Variants in DTNA observed in about 807,000 individuals in gnomAD.
DTNA encodes dystrobrevin alpha.
DTNA carries 43 observed loss-of-function variants against 100.7 expected under a neutral mutation model. That is an observed-to-expected ratio of 0.43 (90% CI 0.33 to 0.55). The LOEUF (loss-of-function observed/expected upper bound fraction) is 0.55. Among genes scored for constraint, DTNA ranks in the 20% least tolerant of loss-of-function variants. DTNA has a pLI of 0.04. For synonymous variants in DTNA, 349 were observed against 347.9 expected, an observed-to-expected ratio of 1.00 and a Z score of -0.04; for missense variants, 798 against 953.9, an observed-to-expected ratio of 0.84 and a Z score of 2.15.
At chr18:34,694,772 AT>A (rs1180679253) in intron 1 of DTNA, among the ~76,000 whole-genome samples, 1 of 152,022 alleles carries the variant, frequency 6.6e-6, no homozygotes, top group African/African-American at 2.4e-5. Flanking sequence ...CTGAAGTTGA[AT>A]TTCTTCCCAG....
At chr18:34,726,346 C>A (rs988928857) in intron 1 of DTNA, among the ~76,000 whole-genome samples, 3 of 152,162 alleles carry the variant, frequency 2.0e-5, no homozygotes, top group Non-Finnish European at 4.4e-5. Context: ...TCTCACATTG[C>A]AAAATACAGT....
chr18:34,851,724 T>C (rs186149722), intron 14 of DTNA, 107 bp from the exon 15 acceptor site: 1 of 1,226,054 alleles, frequency 8.2e-7, no homozygotes, highest in Middle Eastern at 2.0e-4. Context: ...TTTGTTTTGA[T>C]AGAAATAATT....
chr18:34,703,117 C>T (rs538241120), intron 1 of DTNA, among the ~76,000 whole-genome samples: 2 of 152,202 alleles, frequency 1.3e-5, no homozygotes, highest in East Asian at 1.9e-4. Flanking sequence ...AAAGCTCAAC[C>T]GCAGGATTGA....
intron 17 of DTNA, among the ~76,000 whole-genome samples, 164 bp downstream of exon 17, chr18:34,864,226 G>A (rs2096665246): frequency 1.3e-5 from 2 of 151,494 alleles, no homozygotes; most frequent in Admixed American, 6.6e-5. Flanking sequence ...TGTAGCAGTA[G>A]CTGTCAGTAA....
intron 9 of DTNA, among the ~76,000 whole-genome samples, chr18:34,823,495 C>T (rs188302216): frequency 1.1e-4 from 16 of 152,240 alleles, no homozygotes; most frequent in Admixed American, 3.3e-4. Context: ...ATTTATTACT[C>T]CCAAATATGA....
rs191808933 is a variant in DTNA at position 34,740,314 on chromosome 18, G to A, written c.-1-15662G>A. ...TTGTCTGTGTGCCCAGAACCATCAG[G>A]AAATGGCTTGAGTACCCCCTGGGAA... is the stretch of plus-strand genomic sequence containing the variant. On this transcript the variant is annotated intron_variant, in intron 1 of 22. Transcript: ENST00000444659. Among the ~76,000 whole-genome samples the A allele has an allele frequency of 2.8e-3, 425 of 152,268 alleles. 1 individual carries two copies. Among genetic ancestry groups the A allele is most frequent in the Non-Finnish European group, 4.6e-3 (315 of 68,010 alleles).
chr18:34,874,867 AT>A (rs2096799551), intron 17 of DTNA, among the ~76,000 whole-genome samples: 1 of 152,230 alleles, frequency 6.6e-6, no homozygotes, highest in Admixed American at 6.5e-5. Flanking sequence ...TCTAGTTTGT[AT>A]TTTAAACTTT....
chr18:34,770,508 A>G (rs557799821), intron 3 of DTNA, among the ~76,000 whole-genome samples: 3 of 152,128 alleles, frequency 2.0e-5, no homozygotes, highest in Non-Finnish European at 4.4e-5. Flanking sequence ...ATGATTTTGC[A>G]TGTGGACAAC....
At chr18:34,622,204 G>A (rs1253726537) in intron 1 of DTNA, among the ~76,000 whole-genome samples, 7 of 152,110 alleles carry the variant, frequency 4.6e-5, no homozygotes, top group Non-Finnish European at 1.0e-4. Flanking sequence ...CTTAATCATA[G>A]CACAATGTAT....
chr18:34,883,856 A>T (rs931667996), intron 21 of DTNA, among the ~76,000 whole-genome samples: 1 of 152,230 alleles, frequency 6.6e-6, no homozygotes, highest in African/African-American at 2.4e-5. Context: ...CACATTTCAG[A>T]AGCAACTAAA....
At chr18:34,799,018 T>C (rs1431336734) in intron 4 of DTNA, among the ~76,000 whole-genome samples, 1 of 152,246 alleles carries the variant, frequency 6.6e-6, no homozygotes, top group Non-Finnish European at 1.5e-5. Flanking sequence ...CTTGTTTTGC[T>C]TATTACAGGA....
chr18:34,622,802 C>T (rs565417856), intron 1 of DTNA, among the ~76,000 whole-genome samples: 14 of 152,316 alleles, frequency 9.2e-5, no homozygotes, highest in South Asian at 4.1e-4. Flanking sequence ...GTTATACCAT[C>T]GGCTCCCATG....
chr18:34,667,890 T>A (rs1219285456), intron 1 of DTNA, among the ~76,000 whole-genome samples: 1 of 152,212 alleles, frequency 6.6e-6, no homozygotes, highest in Non-Finnish European at 1.5e-5. Flanking sequence ...ATTCTCTTTT[T>A]TTTGTTGTGT....
At chr18:34,673,205 C>G (rs1440817446) in intron 1 of DTNA, among the ~76,000 whole-genome samples, 1 of 152,116 alleles carries the variant, frequency 6.6e-6, no homozygotes, top group Admixed American at 6.6e-5. Context: ...CCCACCTCAG[C>G]CTCCCAAGCA....
intron 20 of DTNA, among the ~76,000 whole-genome samples, chr18:34,881,051 A>G (rs1444334876): frequency 6.6e-6 from 1 of 152,200 alleles, no homozygotes; most frequent in Non-Finnish European, 1.5e-5. Flanking sequence ...ACCAGCTACC[A>G]ACATGTGACT....
intron 1 of DTNA, among the ~76,000 whole-genome samples, chr18:34,605,316 T>C (rs2052808661): frequency 6.6e-6 from 1 of 152,170 alleles, no homozygotes; most frequent in Admixed American, 6.5e-5. Context: ...GAATACCAAA[T>C]GTATGGACCC....
chr18:34,790,567 A>ATATATATATATATTTTTTT (rs2094687460), intron 3 of DTNA, among the ~76,000 whole-genome samples: 13 of 39,654 alleles, frequency 3.3e-4, no homozygotes, highest in African/African-American at 1.1e-3. Flanking sequence ...ATATATATAT[A>ATATATATATATATTTTTTT]TTTTTTTTTT....
intron 1 of DTNA, among the ~76,000 whole-genome samples, chr18:34,567,555 A>G (rs899188459): frequency 2.0e-5 from 3 of 152,174 alleles, no homozygotes; most frequent in South Asian, 2.1e-4. Flanking sequence ...GTTGAAGCAT[A>G]TACAAAATCT....
chr18:34,530,658 G>A lies in DTNA; in HGVS notation c.-2+37144G>A, dbSNP rs546389848. On this transcript the variant is annotated intron_variant, in intron 1 of 19. Transcript: ENST00000283365. Reference sequence around the variant, plus strand: ...GCCAAAATCTGTGCTGAGTACTTTTGCATATATTATTTAACCCCTCCAACA... The same window carrying A: ...GCCAAAATCTGTGCTGAGTACTTTTACATATATTATTTAACCCCTCCAACA... Among the ~76,000 whole-genome samples the A allele has an allele frequency of 3.5e-4, 53 of 152,164 alleles. No individual in the cohort carries two copies. The Middle Eastern group carries it at 0.01, about 29-fold the overall frequency.
Sources: allele counts gnomAD v4.1 joint callset (sites outside exome capture counted in the v4.1 genomes callset), GRCh38; gene constraint gnomAD v4.1.1; transcripts MANE v1.5; gene names NCBI Gene and HGNC (gene_info 2026-07-23, HGNC 2026-07-21).